Variants in CCAR2 observed in about 807,000 individuals in gnomAD.
The protein encoded by CCAR2 is cell cycle and apoptosis regulator 2, also known as cell cycle and apoptosis regulator protein 2.
A neutral mutation model predicts 108.1 loss-of-function variants in CCAR2; 21 were observed. The ratio of observed to expected loss-of-function variants is 0.19; its 90% confidence interval spans 0.14 to 0.28. CCAR2 has a LOEUF of 0.28. Among genes scored for constraint, CCAR2 ranks in the 10% least tolerant of loss-of-function variants. CCAR2 has a pLI of 1.00. For missense variants in CCAR2, 1,126 were observed against 1,177.0 expected, an observed-to-expected ratio of 0.96 and a Z score of 0.63; for synonymous variants, 577 against 472.8, an observed-to-expected ratio of 1.22 and a Z score of -2.86.
chr8:22,608,227 C>T (rs1302207255), intron 7 of CCAR2, 162 bp downstream of exon 7: 2 of 597,708 alleles, frequency 3.3e-6, no homozygotes, highest in Non-Finnish European at 3.0e-6. Flanking sequence ...AGATCCTAGT[C>T]CCTTTTCTGT....
In CCAR2 at chr8:22,607,305, C is replaced by A; in HGVS notation, c.467C>A (p.Pro156His). 2 of 1,612,816 alleles carry A rather than the reference C, an allele frequency of 1.2e-6. No homozygotes were observed. The highest frequency in any genetic ancestry group is 1.7e-6 in the Non-Finnish European group (2 of 1,179,994). ...PQLIFQPHRI[P>H]PLFPQKPLSL... Reference sequence around the variant, plus strand: ...TTGATCTTCCAGCCTCACCGGATTCCCCCACTCTTTCCTCAGAAGCGTGAG... The same window carrying A: ...TTGATCTTCCAGCCTCACCGGATTCACCCACTCTTTCCTCAGAAGCGTGAG... Residue 156 changes from proline to histidine, a missense_variant, in exon 6 of 21, where the codon CCC (proline) becomes CAC (histidine). Around this residue, in one of 4 missense-constraint regions of CCAR2, gnomAD observed 1,013 missense variants for 993.9 expected, o/e 1.02. Transcript: ENST00000308511.
At chr8:22,619,452 G>T in intron 20 of CCAR2, 97 bp downstream of exon 20, 1 of 1,459,796 alleles carries the variant, frequency 6.9e-7, no homozygotes. Context: ...TGACCAGAGG[G>T]CCAGCAGGCA....
At chr8:22,611,512 G>A (rs537838289) in intron 7 of CCAR2, among the ~76,000 whole-genome samples, 1 of 151,630 alleles carries the variant, frequency 6.6e-6, no homozygotes, top group Admixed American at 6.6e-5. Context: ...CTCTTTAAAG[G>A]TAACTGTTGT....
chr8:22,617,163 A>G (rs1435397603), intron 14 of CCAR2, among the ~76,000 whole-genome samples: 1 of 151,916 alleles, frequency 6.6e-6, no homozygotes, highest in African/African-American at 2.4e-5. Context: ...GCTTGTTTAA[A>G]TACTATCAAT....
At chr8:22,606,797 T>G in intron 4 of CCAR2, 99 bp downstream of exon 4, 1 of 1,468,074 alleles carries the variant, frequency 6.8e-7, no homozygotes, top group Non-Finnish European at 9.5e-7. Context: ...ATTGCTTTGC[T>G]GTTTTTGTGC....
rs1223472758 is a variant in CCAR2 at position 22,614,410 on chromosome 8, G to C, written c.948G>C (p.Pro316=). Reference sequence around the variant, plus strand: ...CACAGGTACTGCTGCTCTCTTCCCCGGGGTTGGAGGAATTGTATCGTTGTT... The same window carrying C: ...CACAGGTACTGCTGCTCTCTTCCCCCGGGTTGGAGGAATTGTATCGTTGTT... ...YSSKVLLLSS[P]GLEELYRCCM... is the part of the protein sequence containing the mutation. Residue 316 remains proline (P), a synonymous_variant, in exon 10 of 21, where the codon CCG becomes CCC. Transcript: ENST00000308511. 1.9e-6 allele frequency: 3 copies of C among 1,614,172 alleles called. No homozygotes were observed. Among genetic ancestry groups the C allele is most frequent in the Middle Eastern group, 1.6e-4 (1 of 6,062 alleles).
intron 8 of CCAR2, chr8:22,613,857 C>T: frequency 1.9e-6 from 1 of 527,362 alleles, no homozygotes; most frequent in East Asian, 3.1e-5. Context: ...GGCAATGACC[C>T]ATTTCTCTGT....
Position 22,613,005 on chromosome 8 carries a change from G to C in CCAR2, c.585-12G>C, listed in dbSNP as rs1801350792. 1 of 1,610,600 alleles carries C rather than the reference G, an allele frequency of 6.2e-7. No individual in the cohort carries two copies. The highest frequency in any genetic ancestry group is 1.1e-5 in the South Asian group (1 of 90,484). ...TGTGGTTTCTTACTGTTGGTGATGG[G>C]TCAACCTCTAGTGATGACTATGACT... On this transcript the variant is annotated splice_polypyrimidine_tract_variant and intron_variant, in intron 7 of 20. Coordinates refer to ENST00000308511, the MANE Select transcript of CCAR2 (RefSeq NM_001393997.1).
chr8:22,619,679 C>CA lies in CCAR2; in HGVS notation c.2769_2770insA (p.Ter924MetfsTer11). ...AGAAGGAGGAGCCGGCACCTAGCAA[C>CA]TGACGGCCTCGCACGGAACTGCCAT... On this transcript the variant is annotated frameshift_variant, in exon 21 of 21. Transcript: ENST00000308511. LOFTEE classifies it high-confidence loss of function. 6.4e-7 allele frequency: 1 copy of CA among 1,571,110 alleles called. No individual in the cohort carries two copies. The highest frequency in any genetic ancestry group is 8.6e-7 in the Non-Finnish European group (1 of 1,157,688).
Position 22,617,582 on chromosome 8 carries a change from AG to A in CCAR2, c.1990+22del, listed in dbSNP as rs758548764. On this transcript the variant is annotated intron_variant, in intron 15 of 20. Coordinates refer to ENST00000308511, the MANE Select transcript of CCAR2 (RefSeq NM_001393997.1). Reference sequence around the variant, plus strand: ...GGAGTTTGGTATGTTGAGTGGTGAGAGGGGAGCTTGCAGGCTTGGGATGTGG... The same window carrying A: ...GGAGTTTGGTATGTTGAGTGGTGAGAGGGAGCTTGCAGGCTTGGGATGTGG... 26 of 1,605,214 alleles carry A rather than the reference AG, an allele frequency of 1.6e-5. No individual in the cohort carries two copies. The highest frequency in any genetic ancestry group is 2.0e-5 in the Non-Finnish European group (24 of 1,174,870).
downstream of CCAR2, chr8:22,621,497 G>C (rs187678910): frequency 1.2e-6 from 2 of 1,613,948 alleles, no homozygotes; most frequent in Non-Finnish European, 8.5e-7. Flanking sequence ...GCTGCTCATC[G>C]GAGTGGCCTG....
At chr8:22,621,162 G>A (rs1467626863), downstream of CCAR2, 4 of 462,800 alleles carry the variant, frequency 8.6e-6, no homozygotes, top group African/African-American at 4.0e-5. Flanking sequence ...GGGCCAGGAT[G>A]CATGCTGGAC....
rs1241990454 is a variant in CCAR2 at position 22,620,460 on chromosome 8, G to C, written c.*778G>C. On this transcript the variant is annotated 3_prime_UTR_variant, in exon 21 of 21. Coordinates refer to ENST00000308511, the MANE Select transcript of CCAR2 (RefSeq NM_001393997.1). Reference sequence around the variant, plus strand: ...TGGCTTGTTTTTTAAATAAACCAAAGTCAAAAACAAACTGAGAGTGTGTCC... The same window carrying C: ...TGGCTTGTTTTTTAAATAAACCAAACTCAAAAACAAACTGAGAGTGTGTCC... The C allele has an allele frequency of 9.3e-6, 1 of 107,282 alleles. No individual in the cohort carries two copies. The highest frequency in any genetic ancestry group is 3.3e-5 in the African/African-American group (1 of 29,904). The allele number at this position is 107,282 out of a possible 1,614,324, so 6.6% of individuals were successfully genotyped here.
chr8:22,615,810 A>AC lies in CCAR2; in HGVS notation c.1513dup (p.Leu505ProfsTer32), dbSNP rs748274275. 3 of 1,612,988 alleles carry AC rather than the reference A, an allele frequency of 1.9e-6. No individual in the cohort carries two copies. The highest frequency in any genetic ancestry group is 1.6e-4 in the Middle Eastern group (1 of 6,062). On this transcript the variant is annotated frameshift_variant, in exon 13 of 21. Transcript: ENST00000308511. LOFTEE classifies it high-confidence loss of function. ...ACACTGATCTCCCAGAGGCCCCTCC[A>AC]CCCCCCCTAGAACCTGCTGTCATCG...
At chr8:22,605,633 C>G (rs1801042053) in intron 1 of CCAR2, 103 bp from the exon 2 acceptor site, 3 of 679,108 alleles carry the variant, frequency 4.4e-6, no homozygotes, top group African/African-American at 3.6e-5. Context: ...TATTACCCAC[C>G]TCCCTGTTTT....
chr8:22,608,179 G>T, intron 7 of CCAR2, 114 bp downstream of exon 7: 1 of 776,178 alleles, frequency 1.3e-6, no homozygotes, highest in South Asian at 1.8e-5. Context: ...TGCTTGGAAG[G>T]TGGCTATGCT....
At chr8:22,612,912 A>G (rs1801346147) in intron 7 of CCAR2, 105 bp from the exon 8 acceptor site, 2 of 1,246,918 alleles carry the variant, frequency 1.6e-6, no homozygotes, top group African/African-American at 3.0e-5. Flanking sequence ...TTTTCCATTT[A>G]TTGAATGTGA....
At chr8:22,619,123 G>C (rs200285006) in intron 19 of CCAR2, 27 bp from the exon 20 acceptor site, 6 of 1,602,738 alleles carry the variant, frequency 3.7e-6, no homozygotes, top group Non-Finnish European at 5.1e-6. Context: ...TGGAGCAGCC[G>C]TCCCCGTTTC....
intron 8 of CCAR2, 28 bp downstream of exon 8, chr8:22,613,164 G>C: frequency 6.5e-7 from 1 of 1,534,474 alleles, no homozygotes; most frequent in South Asian, 1.2e-5. Context: ...GGTGGGCTGA[G>C]TCTTGCTGCT....
Sources: gnomAD v4.1 joint callset for allele counts (sites outside exome capture counted in the v4.1 genomes callset) on GRCh38, gnomAD v4.1.1 for gene constraint, gnomAD v4.1.1 regional missense constraint, MANE v1.5 for transcripts, NCBI Gene and HGNC (gene_info 2026-07-23, HGNC 2026-07-21) for gene names.